CCDC171: variants seen among roughly 807,000 people sequenced by gnomAD.
CCDC171 encodes the protein coiled-coil domain-containing protein 171.
Under a neutral mutation model 168.2 loss-of-function variants are expected in CCDC171, and 177 were observed. That is an observed-to-expected ratio of 1.05 (90% CI 0.93 to 1.19). The LOEUF (loss-of-function observed/expected upper bound fraction) is 1.19, where lower values mean the gene tolerates loss of function less well. CCDC171 is among the 50% of genes most tolerant of loss of function. The pLI is 0.00. For missense variants in CCDC171, 1,991 were observed against 1,539.0 expected (o/e 1.29, Z -4.91); for synonymous variants, 687 against 540.8 (o/e 1.27, Z -3.75).
intron 21 of CCDC171, among the ~76,000 whole-genome samples, chr9:15,830,366 C>A (rs992473436): frequency 6.6e-6 from 1 of 152,132 alleles, no homozygotes; most frequent in Non-Finnish European, 1.5e-5. Context: ...TAATTCATAT[C>A]TTATTCCAGT....
intron 8 of CCDC171, among the ~76,000 whole-genome samples, chr9:15,663,819 G>C (rs143185737): frequency 0.042 from 6,436 of 152,070 alleles, 201 homozygotes; most frequent in Non-Finnish European, 0.061. Context: ...TGTTAGCCAG[G>C]ATGGTCTCGA....
At chr9:15,578,142 A>C (rs1402163147) in intron 3 of CCDC171, among the ~76,000 whole-genome samples, 2 of 152,174 alleles carry the variant, frequency 1.3e-5, no homozygotes, top group Non-Finnish European at 2.9e-5. Flanking sequence ...CATTTAGGGA[A>C]TAGAAGGAGG....
intron 16 of CCDC171, among the ~76,000 whole-genome samples, chr9:15,742,092 T>C (rs532967670): frequency 1.3e-5 from 2 of 152,076 alleles, no homozygotes; most frequent in Non-Finnish European, 2.9e-5. Context: ...TTTTCTCTAA[T>C]TGAACAGATG....
chr9:15,970,355 A>G (rs1831226331), intron 25 of CCDC171, among the ~76,000 whole-genome samples: 1 of 152,126 alleles, frequency 6.6e-6, no homozygotes, highest in South Asian at 2.1e-4. Context: ...TATAGTTTAC[A>G]TTATTTTGTT....
chr9:15,578,980 A>G lies in CCDC171; in HGVS notation c.309A>G (p.Glu103=), dbSNP rs2040902358. 2 of 1,614,090 alleles carry G rather than the reference A, an allele frequency of 1.2e-6. No homozygotes were observed. Among genetic ancestry groups the G allele is most frequent in the African/African-American group, 2.7e-5 (2 of 75,050 alleles). Residue 103 remains glutamate, a synonymous_variant, in exon 4 of 26, where the codon GAA becomes GAG. Transcript: ENST00000380701. ...KEAGLGRRAA[E]ERLAEAHRIQ... ...CTGGTCTTGGAAGACGGGCTGCTGA[A>G]GAAAGATTAGCCGAGGCACATAGGA...
Position 15,594,044 on chromosome 9 carries a change from G to C in CCDC171, c.547G>C (p.Ala183Pro). 6.3e-7 allele frequency: 1 copy of C among 1,582,212 alleles called. No individual in the cohort carries two copies. The highest frequency in any genetic ancestry group is 2.3e-5 in the East Asian group (1 of 44,024). ...GCAAGATTTTATTTATATAAAGGAA[G>C]CGTTGGAAAAACATCAACGGGAGAA... Reference protein sequence around the residue: ...KSRLEKTLQEALEKHQREKNE... With the variant: ...KSRLEKTLQEPLEKHQREKNE... The change falls in exon 6 of 26, where the codon GCG (alanine) becomes CCG (proline). Residue 183 changes from alanine to proline, a missense_variant. Transcript: ENST00000380701.
intron 4 of CCDC171, among the ~76,000 whole-genome samples, chr9:15,582,879 T>G (rs1181516730): frequency 3.3e-5 from 5 of 150,508 alleles, no homozygotes; most frequent in Admixed American, 3.3e-4. Flanking sequence ...CATGTATACC[T>G]ATGTAACAAA....
At chr9:16,043,814 A>T (rs1365305003) in intron 1 of CCDC171, among the ~76,000 whole-genome samples, 1 of 152,242 alleles carries the variant, frequency 6.6e-6, no homozygotes, top group Non-Finnish European at 1.5e-5. Context: ...ACTGAATCTT[A>T]CTACAGGGCC....
At chr9:15,666,757 C>T (rs2048765452) in intron 9 of CCDC171, among the ~76,000 whole-genome samples, 1 of 151,998 alleles carries the variant, frequency 6.6e-6, no homozygotes, top group South Asian at 2.1e-4. Context: ...CCCGGGAGTT[C>T]AAGGCTGAAG....
intron 7 of CCDC171, among the ~76,000 whole-genome samples, chr9:15,655,732 T>TA (rs1303953178): frequency 7.2e-5 from 11 of 152,140 alleles, no homozygotes; most frequent in Admixed American, 5.2e-4. Context: ...ACAGCTCAAT[T>TA]AAAAAATGGT....
chr9:15,947,900 G>A (rs1436276831), intron 25 of CCDC171, among the ~76,000 whole-genome samples: 1 of 151,452 alleles, frequency 6.6e-6, no homozygotes, highest in African/African-American at 2.4e-5. Flanking sequence ...ATGTATACAT[G>A]TGCCATGCTG....
intron 25 of CCDC171, among the ~76,000 whole-genome samples, chr9:15,955,137 C>G (rs1329825079): frequency 6.6e-6 from 1 of 152,122 alleles, no homozygotes; most frequent in Non-Finnish European, 1.5e-5. Context: ...TGTCAAGGAT[C>G]AGCCTGAGAT....
intron 6 of CCDC171, among the ~76,000 whole-genome samples, chr9:15,616,142 A>G (rs1336905315): frequency 6.6e-6 from 1 of 151,924 alleles, no homozygotes; most frequent in Admixed American, 6.6e-5. Flanking sequence ...AGTAGAGACA[A>G]GTTTCCACCA....
At chr9:16,042,279 A>G (rs1410455), upstream of CCDC171, among the ~76,000 whole-genome samples, 61,823 of 151,928 alleles carry the variant, frequency 0.41, 14,080 homozygotes, top group East Asian at 0.73. Flanking sequence ...GTGTGAGATG[A>G]TAATAAGACA....
chr9:15,699,954 C>T (rs939198618), intron 11 of CCDC171, among the ~76,000 whole-genome samples: 4 of 152,274 alleles, frequency 2.6e-5, no homozygotes, highest in African/African-American at 9.6e-5. Context: ...CACGTCCCCA[C>T]CAGACTCAGG....
At chr9:15,826,043 T>C (rs1344345306) in intron 21 of CCDC171, among the ~76,000 whole-genome samples, 1 of 152,086 alleles carries the variant, frequency 6.6e-6, no homozygotes, top group African/African-American at 2.4e-5. Flanking sequence ...ATGGCTCTTA[T>C]ATTTTAAAAA....
At position 15,818,680 on chromosome 9, in the gene CCDC171, A is replaced by G. The variant is rs1374357732; in HGVS notation, c.3268-28022A>G. Among the ~76,000 whole-genome samples the G allele has an allele frequency of 3.4e-5, 4 of 117,838 alleles. 2 individuals are homozygous for G. Among genetic ancestry groups the G allele is most frequent in the Non-Finnish European group, 7.6e-5 (4 of 52,476 alleles). The allele number at this position is 117,838 out of a possible 152,430, so 77.3% of individuals were successfully genotyped here. A position where few individuals can be genotyped will look rare whatever the true frequency, so the allele number is the denominator to read the frequency against. ...AAGAAACGAACAAAGCCTCCAAGAA[A>G]TATGGGACTATGTGGAAAGACCACA... On this transcript the variant is annotated intron_variant, in intron 21 of 25. Transcript: ENST00000380701.
rs570912199 is a variant in CCDC171, at chr9:15,762,341, A to G, written c.2672-15259A>G. The stretch of plus-strand genomic sequence containing the variant: ...TTTTCCAGAAAAAATATGGCAGCTT[A>G]TAGGTATTTGCAAAATACAACATAA... On this transcript the variant is annotated intron_variant, in intron 18 of 25. Transcript: ENST00000380701. Among the ~76,000 whole-genome samples the G allele has an allele frequency of 4.5e-4, 69 of 152,312 alleles. 2 individuals are homozygous for G. The South Asian group carries it at 0.014, about 30-fold the overall frequency.
intron 18 of CCDC171, among the ~76,000 whole-genome samples, chr9:15,759,833 C>T (rs116424938): frequency 0.027 from 4,129 of 152,028 alleles, 215 homozygotes; most frequent in African/African-American, 0.094. Context: ...TTTTTAATTT[C>T]TGAGTAATAT....
Sources: allele counts gnomAD v4.1 joint callset (sites outside exome capture counted in the v4.1 genomes callset), GRCh38; gene constraint gnomAD v4.1.1; transcripts MANE v1.5; gene names NCBI Gene and HGNC (gene_info 2026-07-23, HGNC 2026-07-21).